CCDC88C: variants seen among roughly 807,000 people sequenced by gnomAD.
CCDC88C encodes the protein protein Daple.
CCDC88C carries 131 observed loss-of-function variants against 198.8 expected under a neutral mutation model. The observed-to-expected ratio is 0.66, with a 90% CI of 0.57 to 0.76. The LOEUF (loss-of-function observed/expected upper bound fraction) is 0.76, where lower values mean the gene tolerates loss of function less well. Among genes scored for constraint, CCDC88C ranks in the 30% least tolerant of loss-of-function variants. The pLI is 0.00. For missense variants in CCDC88C, 2,553 were observed against 2,631.6 expected (o/e 0.97, Z 0.65); for synonymous variants, 1,166 against 1,114.7 (o/e 1.05, Z -0.92).
At chr14:91,402,048 G>A (rs954651968) in intron 3 of CCDC88C, among the ~76,000 whole-genome samples, 6 of 152,206 alleles carry the variant, frequency 3.9e-5, no homozygotes, top group Non-Finnish European at 5.9e-5. Flanking sequence ...GGTGAGGCGG[G>A]AGGATTGCTT....
chr14:91,283,833 A>G (rs1189348312), intron 25 of CCDC88C, among the ~76,000 whole-genome samples: 3 of 152,214 alleles, frequency 2.0e-5, no homozygotes, highest in African/African-American at 7.2e-5. Flanking sequence ...TAAAAGTCAC[A>G]CATATTCACT....
chr14:91,397,231 GC>G lies in CCDC88C; in HGVS notation c.270+11427del, dbSNP rs376837121. On this transcript the variant is annotated intron_variant, in intron 3 of 29. Coordinates refer to ENST00000389857, the MANE Select transcript of CCDC88C (RefSeq NM_001080414.4). ...TCTGAGCATCTGGGCTCGGTGCTGT[GC>G]CCAACAGGCCCAGGCAAGGGGACAG... Among the ~76,000 whole-genome samples, 68 of 152,220 alleles carry G rather than the reference GC, an allele frequency of 4.5e-4. No homozygotes were observed. The South Asian group carries it at 0.014, about 31-fold the overall frequency.
intron 10 of CCDC88C, among the ~76,000 whole-genome samples, chr14:91,328,888 C>A (rs1892687397): frequency 6.6e-6 from 1 of 152,202 alleles, no homozygotes; most frequent in Admixed American, 6.5e-5. Flanking sequence ...AGGGTGCCTC[C>A]TGACCCCTGA....
intron 3 of CCDC88C, among the ~76,000 whole-genome samples, chr14:91,392,292 G>C (rs759033997): frequency 2.0e-5 from 3 of 152,004 alleles, no homozygotes; most frequent in Non-Finnish European, 4.4e-5. Flanking sequence ...CCCCAACCCT[G>C]CCAAAACAAA....
intron 3 of CCDC88C, among the ~76,000 whole-genome samples, chr14:91,360,974 CG>C (rs1310392841): frequency 6.6e-6 from 1 of 151,980 alleles, no homozygotes; most frequent in Non-Finnish European, 1.5e-5. Context: ...AGAAAAAACT[CG>C]GATCTACAAA....
At chr14:91,333,862 G>A (rs1488583537) in intron 10 of CCDC88C, among the ~76,000 whole-genome samples, 1 of 152,214 alleles carries the variant, frequency 6.6e-6, no homozygotes, top group African/African-American at 2.4e-5. Context: ...GAAGGGCTGA[G>A]ACTTATGAGA....
chr14:91,354,104 C>CTGGGCTGGGCTT (rs1893933164), intron 4 of CCDC88C, among the ~76,000 whole-genome samples: 1 of 152,204 alleles, frequency 6.6e-6, no homozygotes, highest in Non-Finnish European at 1.5e-5. Context: ...GGCTTCTACA[C>CTGGGCTGGGCTT]CTAAATGGCT....
chr14:91,394,308 C>T (rs1885704522), intron 3 of CCDC88C, among the ~76,000 whole-genome samples: 1 of 152,168 alleles, frequency 6.6e-6, no homozygotes, highest in Admixed American at 6.5e-5. Context: ...CAGCCCAGCC[C>T]CCTCACTGCA....
chr14:91,331,319 C>T lies in CCDC88C; in HGVS notation c.1051-5263G>A, dbSNP rs140613165. Among the ~76,000 whole-genome samples the T allele has an allele frequency of 2.0e-4, 31 of 152,332 alleles. No individual in the cohort carries two copies. In the East Asian group the frequency reaches 5.4e-3, roughly 27 times the overall value. ...ACTGGACTCAAATCAACAAACATGT[C>T]CCAAGCACCTTTTCCTCCTGAAGAT... On this transcript the variant is annotated intron_variant, in intron 10 of 29. Transcript: ENST00000389857.
Position 91,371,828 on chromosome 14 carries a change from G to A in CCDC88C, c.271-12117C>T, listed in dbSNP as rs1022978670. On this transcript the variant is annotated intron_variant, in intron 3 of 29. Transcript: ENST00000389857. The surrounding 1 kb of genome is among the most constrained non-coding windows in gnomAD (Gnocchi z 4.2). Reference sequence around the variant, plus strand: ...CGCCACACCCTGGCAGCCCTCACCCGGTGGCCTGACAATGCCGCTTCACTC... The same window carrying A: ...CGCCACACCCTGGCAGCCCTCACCCAGTGGCCTGACAATGCCGCTTCACTC... 3.3e-5 allele frequency among the ~76,000 whole-genome samples: 5 copies of A among 152,164 alleles called. No homozygotes were observed. Among genetic ancestry groups the A allele is most frequent in the Admixed American group, 6.5e-5 (1 of 15,284 alleles).
At chr14:91,321,447 T>C in intron 12 of CCDC88C, 143 bp from the exon 13 acceptor site, 2 of 824,748 alleles carry the variant, frequency 2.4e-6, no homozygotes, top group Admixed American at 4.7e-5. Context: ...CTGGGGACCC[T>C]TCCTCCTGCC....
chr14:91,385,906 A>G (rs374996754), intron 3 of CCDC88C, among the ~76,000 whole-genome samples: 16 of 152,194 alleles, frequency 1.1e-4, no homozygotes, highest in East Asian at 9.6e-4. Flanking sequence ...AACTGTCCAC[A>G]TGCATTTCTA....
At chr14:91,336,448 T>C (rs1447190017) in intron 10 of CCDC88C, among the ~76,000 whole-genome samples, 1 of 152,128 alleles carries the variant, frequency 6.6e-6, no homozygotes, top group Admixed American at 6.5e-5. Context: ...CTGCATGAGG[T>C]CCCCTATGTG....
intron 25 of CCDC88C, among the ~76,000 whole-genome samples, chr14:91,286,437 G>C (rs1890412534): frequency 6.6e-6 from 1 of 152,104 alleles, no homozygotes; most frequent in Non-Finnish European, 1.5e-5. Context: ...CAAGAATCAT[G>C]ATTTCCTTTT....
chr14:91,391,314 A>T (rs1180970540), intron 3 of CCDC88C, among the ~76,000 whole-genome samples: 1 of 152,000 alleles, frequency 6.6e-6, no homozygotes, highest in Non-Finnish European at 1.5e-5. Flanking sequence ...TGCATAACCT[A>T]AAAAAAAGCT....
chr14:91,330,439 GGACA>G (rs1892771503), intron 10 of CCDC88C, among the ~76,000 whole-genome samples: 1 of 152,206 alleles, frequency 6.6e-6, no homozygotes, highest in African/African-American at 2.4e-5. Flanking sequence ...CTCTGCAGCA[GGACA>G]GACAGAGGCA....
In CCDC88C at chr14:91,272,842, C is replaced by A; in HGVS notation, c.5870G>T (p.Arg1957Leu). Reference protein sequence around the residue: ...SGEVATITPVRAGLSLSEGDG... With the variant: ...SGEVATITPVLAGLSLSEGDG... ...TCCCTCTGAGAGGCTGAGCCCTGCC[C>A]GGACAGGGGTGATGGTGGCCACCTC... The change falls in exon 30 of 30, where the codon CGG (arginine) becomes CTG (leucine). Residue 1957 changes from arginine to leucine, a missense_variant. By Grantham distance (102) the Arg-to-Leu change is moderately radical. Coordinates refer to ENST00000389857, the MANE Select transcript of CCDC88C (RefSeq NM_001080414.4). 1 of 1,592,654 alleles carries A rather than the reference C, an allele frequency of 6.3e-7. No individual in the cohort carries two copies. The highest frequency in any genetic ancestry group is 8.5e-7 in the Non-Finnish European group (1 of 1,170,454).
chr14:91,337,245 A>C (rs1255896757), intron 10 of CCDC88C, among the ~76,000 whole-genome samples: 1 of 152,218 alleles, frequency 6.6e-6, no homozygotes, highest in African/African-American at 2.4e-5. Flanking sequence ...AAGATTTAAA[A>C]TAAAGATAGA....
intron 10 of CCDC88C, among the ~76,000 whole-genome samples, chr14:91,334,362 A>G (rs553998726): frequency 6.6e-6 from 1 of 152,224 alleles, no homozygotes; most frequent in Admixed American, 6.5e-5. Flanking sequence ...CTCCCACTTC[A>G]GACTCCCGAG....
Sources: gnomAD v4.1 joint callset for allele counts (sites outside exome capture counted in the v4.1 genomes callset) on GRCh38, gnomAD v4.1.1 for gene constraint, Gnocchi (gnomAD v3.1) non-coding constraint, MANE v1.5 for transcripts, NCBI Gene and HGNC (gene_info 2026-07-23, HGNC 2026-07-21) for gene names.